The following SLC39A14 variants were observed in gnomAD, a reference collection of about 807,000 sequenced individuals.
The protein encoded by SLC39A14 is solute carrier family 39 member 14, also known as metal cation symporter ZIP14.
In SLC39A14, 19 loss-of-function variants were observed where a neutral mutation model predicts 45.5. The observed-to-expected ratio is 0.42, with a 90% CI of 0.29 to 0.61. SLC39A14 has a LOEUF of 0.61. Among genes scored for constraint, SLC39A14 ranks in the 20% least tolerant of loss-of-function variants. SLC39A14 has a pLI of 0.22. For missense variants in SLC39A14, 447 were observed against 616.5 expected (o/e 0.73, Z 2.91); for synonymous variants, 264 against 251.3 (o/e 1.05, Z -0.48).
chr8:22,378,482 A>G (rs1005189537), intron 1 of SLC39A14, among the ~76,000 whole-genome samples: 6 of 151,524 alleles, frequency 4.0e-5, no homozygotes, highest in African/African-American at 1.5e-4. Flanking sequence ...CCTCACCCCT[A>G]TTTTCCATTG....
chr8:22,385,020 A>T (rs1833716486), intron 1 of SLC39A14, among the ~76,000 whole-genome samples: 1 of 152,186 alleles, frequency 6.6e-6, no homozygotes, highest in Non-Finnish European at 1.5e-5. Context: ...ACTGCACTCT[A>T]GCCTGGGCAA....
chr8:22,399,258 G>A (rs915419491), intron 1 of SLC39A14, among the ~76,000 whole-genome samples: 17 of 152,166 alleles, frequency 1.1e-4, no homozygotes, highest in Admixed American at 2.6e-4. Context: ...CCGTCCCAGC[G>A]GCGTCAACAG....
At chr8:22,407,707 CT>C (rs34840104) in intron 2 of SLC39A14, among the ~76,000 whole-genome samples, 25,984 of 130,242 alleles carry the variant, frequency 0.2, 5,518 homozygotes, top group African/African-American at 0.55. Flanking sequence ...CAATATTTTG[CT>C]TTTTTTTTTT....
At chr8:22,406,886 C>T (rs996699480) in intron 2 of SLC39A14, among the ~76,000 whole-genome samples, 1 of 152,130 alleles carries the variant, frequency 6.6e-6, no homozygotes, top group Non-Finnish European at 1.5e-5. Context: ...GCCTTAGAAG[C>T]GCAGGCACTT....
chr8:22,373,679 G>A (rs1343992047), intron 1 of SLC39A14, among the ~76,000 whole-genome samples: 2 of 151,864 alleles, frequency 1.3e-5, no homozygotes, highest in Non-Finnish European at 2.9e-5. Context: ...CAGAATTACT[G>A]TTCGAGATCA....
At chr8:22,409,706 A>G (rs570755005) in intron 3 of SLC39A14, among the ~76,000 whole-genome samples, 170 of 151,788 alleles carry the variant, frequency 1.1e-3, no homozygotes, top group African/African-American at 3.9e-3. Context: ...TTAGGCTTCC[A>G]TTGCTGTTTG....
At chr8:22,398,173 C>G (rs1397607769) in intron 1 of SLC39A14, 1 of 152,250 alleles carries the variant, frequency 6.6e-6, no homozygotes, top group Non-Finnish European at 1.5e-5. Context: ...CCCTCACCCA[C>G]CCCTGCAACC....
intron 8 of SLC39A14, among the ~76,000 whole-genome samples, chr8:22,429,623 A>G (rs1412914904): frequency 4.6e-5 from 7 of 152,250 alleles, no homozygotes; most frequent in African/African-American, 1.7e-4. Context: ...AATTGGGAGC[A>G]GCATGGGGAT....
At chr8:22,400,512 G>A (rs144040242) in intron 1 of SLC39A14, among the ~76,000 whole-genome samples, 4 of 152,212 alleles carry the variant, frequency 2.6e-5, no homozygotes, top group African/African-American at 9.6e-5. Context: ...TTGTACAACA[G>A]GTTTTTAGTC....
chr8:22,426,579 A>G (rs1836391302), downstream of SLC39A14, among the ~76,000 whole-genome samples: 1 of 152,246 alleles, frequency 6.6e-6, no homozygotes, highest in Non-Finnish European at 1.5e-5. Context: ...AATAATCCAC[A>G]CAGGTTTTCA....
chr8:22,419,689 G>A lies in SLC39A14; in HGVS notation c.1470G>A (p.Gln490=). 1 of 1,607,358 alleles carries A rather than the reference G, an allele frequency of 6.2e-7. No homozygotes were observed. Among genetic ancestry groups the A allele is most frequent in the Non-Finnish European group, 8.5e-7 (1 of 1,177,000 alleles). ...TCACCATGTATTCAGGACAGATCCA[G>A]ATTGGGTAGGGCTCTGCCAAGAGCC... ...VVLTMYSGQI[Q]IG is the part of the protein sequence containing the mutation. The change falls in exon 9 of 9, where the codon CAG becomes CAA. Residue 490 remains glutamine (Q), a synonymous_variant. Coordinates refer to ENST00000381237, the MANE Select transcript of SLC39A14 (RefSeq NM_001128431.4).
At chr8:22,415,102 C>G (rs749140496) in intron 5 of SLC39A14, 200 bp downstream of exon 5, 1 of 591,060 alleles carries the variant, frequency 1.7e-6, no homozygotes, top group Non-Finnish European at 2.9e-6. Flanking sequence ...GAAACTAGAT[C>G]TGGCCAGGGT....
Position 22,415,913 on chromosome 8 carries a change from C to T in SLC39A14, c.895C>T (p.Pro299Ser), listed in dbSNP as rs1355997101. The change falls in exon 6 of 9, where the codon CCC becomes TCC. Residue 299 changes from proline to serine, a missense_variant. Pro to Ser is a moderately conservative substitution (Grantham distance 74). Coordinates refer to ENST00000381237, the MANE Select transcript of SLC39A14 (RefSeq NM_001128431.4). ...HCSSELDGKA[P>S]MVDEKVIVGS... ...CAGCAGTGAGCTGGACGGCAAGGCGCCCATGGTGGACGAGAAGGTCATTGT... is the reference window on the plus strand; with the variant it reads ...CAGCAGTGAGCTGGACGGCAAGGCGTCCATGGTGGACGAGAAGGTCATTGT... 2 of 1,609,170 alleles carry T rather than the reference C, an allele frequency of 1.2e-6. No homozygotes were observed. The highest frequency in any genetic ancestry group is 1.1e-5 in the South Asian group (1 of 90,672).
chr8:22,382,430 G>A (rs1387265133), intron 1 of SLC39A14, among the ~76,000 whole-genome samples: 2 of 152,020 alleles, frequency 1.3e-5, no homozygotes. Context: ...CAGCTACTTG[G>A]ACAGATGAGA....
chr8:22,401,321 G>A (rs897982185), intron 1 of SLC39A14, among the ~76,000 whole-genome samples: 5 of 152,136 alleles, frequency 3.3e-5, no homozygotes, highest in Non-Finnish European at 7.3e-5. Flanking sequence ...ATTAGTGTCC[G>A]AGCCCTGGGT....
chr8:22,368,544 T>TTATTG (rs1464138482), intron 1 of SLC39A14, among the ~76,000 whole-genome samples: 46 of 98,988 alleles, frequency 4.6e-4, no homozygotes, highest in Non-Finnish European at 7.9e-4. Flanking sequence ...TTATTGTATT[T>TTATTG]TATTTTATTT....
intron 8 of SLC39A14, among the ~76,000 whole-genome samples, chr8:22,429,726 A>G (rs545702949): frequency 3.9e-5 from 6 of 152,400 alleles, no homozygotes; most frequent in African/African-American, 1.4e-4. Context: ...AAATCCATTC[A>G]TTCAACAAAT....
intron 1 of SLC39A14, among the ~76,000 whole-genome samples, chr8:22,389,313 A>G (rs1209384085): frequency 6.6e-6 from 1 of 152,012 alleles, no homozygotes; most frequent in African/African-American, 2.4e-5. Flanking sequence ...CACTTTGAGA[A>G]CCCCTTTCCT....
intron 1 of SLC39A14, among the ~76,000 whole-genome samples, chr8:22,401,756 G>A (rs1463872563): frequency 6.6e-6 from 1 of 151,726 alleles, no homozygotes; most frequent in Non-Finnish European, 1.5e-5. Flanking sequence ...GGCTGGTCTC[G>A]AACTCCTGAG....
Sources: gnomAD v4.1 joint callset for allele counts (sites outside exome capture counted in the v4.1 genomes callset) on GRCh38, gnomAD v4.1.1 for gene constraint, MANE v1.5 for transcripts, NCBI Gene and HGNC (gene_info 2026-07-23, HGNC 2026-07-21) for gene names.